Variants in DNER observed in about 807,000 individuals in gnomAD.
DNER encodes the protein delta/notch like EGF repeat containing, also known as delta and Notch-like epidermal growth factor-related receptor.
In DNER, 33 loss-of-function variants were observed where a neutral mutation model predicts 78.2. The observed-to-expected ratio is 0.42, with a 90% CI of 0.32 to 0.56. The LOEUF is 0.56. DNER is among the 20% of genes least tolerant of loss of function. DNER has a pLI of 0.11. For missense variants in DNER, 918 were observed against 975.3 expected (o/e 0.94, Z 0.78); for synonymous variants, 417 against 384.8 (o/e 1.08, Z -0.98).
chr2:229,653,472 T>G (rs1004749535), intron 1 of DNER, among the ~76,000 whole-genome samples: 3 of 152,134 alleles, frequency 2.0e-5, no homozygotes, highest in Admixed American at 2.0e-4. Flanking sequence ...GCATATAAAT[T>G]CTTCACTCTA....
intron 1 of DNER, among the ~76,000 whole-genome samples, chr2:229,687,263 CTTT>C (rs555202828): frequency 3.9e-5 from 5 of 127,722 alleles, no homozygotes; most frequent in Non-Finnish European, 4.9e-5. Flanking sequence ...TTTCCAACTT[CTTT>C]TTTTTTTTTT....
chr2:229,625,368 T>TA (rs1424217257), intron 1 of DNER, among the ~76,000 whole-genome samples: 2 of 152,164 alleles, frequency 1.3e-5, no homozygotes, highest in Non-Finnish European at 2.9e-5. Flanking sequence ...TCCACTCCCT[T>TA]ACTGCCACCT....
intron 2 of DNER, among the ~76,000 whole-genome samples, chr2:229,589,898 G>T (rs1401933046): frequency 9.0e-6 from 1 of 110,666 alleles, no homozygotes; most frequent in Non-Finnish European, 1.9e-5. Flanking sequence ...TTCATAAGCT[G>T]TGTGGTAATA....
At position 229,366,881 on chromosome 2, in the gene DNER, C is replaced by A; in HGVS notation, c.2094G>T (p.Arg698=). The change falls in exon 12 of 13, where the codon CGG becomes CGT. Residue 698 remains arginine (R), a synonymous_variant. Coordinates refer to ENST00000341772, the MANE Select transcript of DNER (RefSeq NM_139072.4). ...CCGCCCCCACAGCCAACCTGGCATG[C>A]CGGATGGATGCAATGGCATTGCTGA... The part of the protein sequence containing the change: ...SEFSNAIASI[R]HARFGKKSRP... 6.2e-7 allele frequency: 1 copy of A among 1,614,128 alleles called. No individual in the cohort carries two copies. Among genetic ancestry groups the A allele is most frequent in the Non-Finnish European group, 8.5e-7 (1 of 1,180,026 alleles).
intron 1 of DNER, among the ~76,000 whole-genome samples, chr2:229,615,076 C>G (rs72990032): frequency 0.068 from 10,411 of 152,252 alleles, 410 homozygotes; most frequent in Middle Eastern, 0.11. Context: ...TCCCCACCCC[C>G]ACTCAATGAT....
At chr2:229,393,472 A>G (rs533808672) in intron 10 of DNER, among the ~76,000 whole-genome samples, 1 of 152,204 alleles carries the variant, frequency 6.6e-6, no homozygotes, top group East Asian at 1.9e-4. Context: ...TAGACACTGC[A>G]GAAGAAAATA....
intron 12 of DNER, among the ~76,000 whole-genome samples, chr2:229,359,398 G>A (rs1406380796): frequency 6.6e-6 from 1 of 152,062 alleles, no homozygotes; most frequent in African/African-American, 2.4e-5. Context: ...GTCGTAAGGT[G>A]GCAATTATTA....
intron 1 of DNER, among the ~76,000 whole-genome samples, chr2:229,662,946 G>A (rs1271666793): frequency 6.6e-6 from 1 of 152,202 alleles, no homozygotes. Flanking sequence ...TCACAACTTG[G>A]TTTATGTAGC....
intron 4 of DNER, among the ~76,000 whole-genome samples, chr2:229,573,649 G>A (rs1697251583): frequency 6.6e-6 from 1 of 152,160 alleles, no homozygotes; most frequent in African/African-American, 2.4e-5. Context: ...GGAGATTGTA[G>A]TGGAAAAGCA....
At chr2:229,413,480 G>A (rs60401340) in intron 9 of DNER, among the ~76,000 whole-genome samples, 55,753 of 150,846 alleles carry the variant, frequency 0.37, 11,913 homozygotes, top group Middle Eastern at 0.48. Context: ...GTGCCACAGC[G>A]CCTGGCTAAT....
At chr2:229,554,902 G>A (rs1696823073) in intron 4 of DNER, among the ~76,000 whole-genome samples, 9 of 87,166 alleles carry the variant, frequency 1.0e-4, no homozygotes, top group African/African-American at 2.2e-4. Context: ...GAAGAGAAGA[G>A]AAGAGAAGAG....
chr2:229,445,976 T>G (rs1361675747), intron 8 of DNER, among the ~76,000 whole-genome samples: 1 of 152,214 alleles, frequency 6.6e-6, no homozygotes, highest in African/African-American at 2.4e-5. Context: ...AGTGCCAAAT[T>G]GCATTTCTCA....
intron 1 of DNER, among the ~76,000 whole-genome samples, chr2:229,683,146 C>G (rs1182474909): frequency 6.6e-6 from 1 of 152,162 alleles, no homozygotes; most frequent in East Asian, 1.9e-4. Context: ...ACCTTCTATG[C>G]AGTAGGCAGT....
At chr2:229,458,358 A>G (rs955607197) in intron 7 of DNER, among the ~76,000 whole-genome samples, 6 of 151,856 alleles carry the variant, frequency 4.0e-5, no homozygotes, top group Non-Finnish European at 8.8e-5. Flanking sequence ...CTAATAAGAG[A>G]GCTTCAAAAT....
chr2:229,618,530 C>T (rs1488924620), intron 1 of DNER, among the ~76,000 whole-genome samples: 1 of 152,168 alleles, frequency 6.6e-6, no homozygotes, highest in African/African-American at 2.4e-5. Flanking sequence ...TGTGATGTAG[C>T]TCGCCACGCA....
intron 1 of DNER, among the ~76,000 whole-genome samples, chr2:229,668,580 A>ATACATATAT (rs1699150846): frequency 7.3e-6 from 1 of 136,622 alleles, no homozygotes; most frequent in African/African-American, 2.8e-5. Flanking sequence ...ATATATATAT[A>ATACATATAT]AAAGAAGACA....
Position 229,700,578 on chromosome 2 carries a change from G to A in DNER, c.276+13570C>T, listed in dbSNP as rs534442838. 5.5e-4 allele frequency among the ~76,000 whole-genome samples: 84 copies of A among 152,106 alleles called. 3 individuals are homozygous for A. In the South Asian group the frequency reaches 0.013, roughly 23 times the overall value. On this transcript the variant is annotated intron_variant, in intron 1 of 12. Coordinates refer to ENST00000341772, the MANE Select transcript of DNER (RefSeq NM_139072.4). The stretch of plus-strand genomic sequence containing the variant: ...TGAATATGTAAACAGTCACACAATG[G>A]CATACTAGTCAACCATCGAAAATAA...
At chr2:229,544,166 G>C (rs1696572714) in intron 5 of DNER, among the ~76,000 whole-genome samples, 2 of 152,164 alleles carry the variant, frequency 1.3e-5, no homozygotes, top group Non-Finnish European at 2.9e-5. Flanking sequence ...AGAACACTGA[G>C]TGTCCTTCAC....
At chr2:229,546,774 C>CAGACAGATAGACAGATAGATAGATAGAT in intron 5 of DNER, among the ~76,000 whole-genome samples, 173 bp downstream of exon 5, 1 of 150,504 alleles carries the variant, frequency 6.6e-6, no homozygotes, top group South Asian at 2.1e-4. Flanking sequence ...TGGCTTGAGA[C>CAGACAGATAGACAGATAGATAGATAGAT]AGACAGATAG....
Sources: gnomAD v4.1 joint callset for allele counts (sites outside exome capture counted in the v4.1 genomes callset) on GRCh38, gnomAD v4.1.1 for gene constraint, MANE v1.5 for transcripts, NCBI Gene and HGNC (gene_info 2026-07-23, HGNC 2026-07-21) for gene names.